THRAP3: variants seen among roughly 807,000 people sequenced by gnomAD.
THRAP3 encodes thyroid hormone receptor-associated protein 3.
In THRAP3, 16 loss-of-function variants were observed where a neutral mutation model predicts 101.0. That is an observed-to-expected ratio of 0.16 (90% CI 0.11 to 0.24). The LOEUF (loss-of-function observed/expected upper bound fraction) is 0.24, where lower values mean the gene tolerates loss of function less well. THRAP3 is among the 10% of genes least tolerant of loss of function. THRAP3 has a pLI of 1.00. For missense variants in THRAP3, 989 were observed against 1,202.7 expected (o/e 0.82, Z 2.63); for synonymous variants, 407 against 422.6 (o/e 0.96, Z 0.45).
At position 36,289,733 on chromosome 1, in the gene THRAP3, C is replaced by T. The variant is rs781731547; in HGVS notation, c.1714C>T (p.Arg572Trp). Residue 572 changes from arginine (R) to tryptophan (W), a missense_variant, in exon 5 of 12, where the codon CGG (arginine) becomes TGG (tryptophan). Transcript: ENST00000354618. ...SITREAQVNV[R>W]MDSFDEDLAR... The stretch of plus-strand genomic sequence containing the variant: ...TACTCGAGAGGCACAGGTCAATGTC[C>T]GGATGGACTCTTTTGATGAGGACCT... 9 of 1,611,560 alleles carry T rather than the reference C, an allele frequency of 5.6e-6. No homozygotes were observed. Among genetic ancestry groups the T allele is most frequent in the African/African-American group, 5.4e-5 (4 of 74,698 alleles).
intron 1 of THRAP3, among the ~76,000 whole-genome samples, chr1:36,253,457 T>C (rs138120718): frequency 1.8e-3 from 278 of 152,346 alleles, no homozygotes; most frequent in African/African-American, 6.1e-3. Context: ...TATGGAGATA[T>C]CACTTCTTGT....
chr1:36,270,687 C>T (rs1337697009), intron 2 of THRAP3, among the ~76,000 whole-genome samples: 2 of 150,572 alleles, frequency 1.3e-5, no homozygotes, highest in Admixed American at 1.3e-4. Context: ...AAGTGATTCT[C>T]CTGCCTTAGC....
chr1:36,219,895 C>T (rs1191660102), upstream of THRAP3, among the ~76,000 whole-genome samples: 1 of 152,240 alleles, frequency 6.6e-6, no homozygotes, highest in South Asian at 2.1e-4. Context: ...AAGTTGAAGG[C>T]GATGCTCATT....
intron 2 of THRAP3, among the ~76,000 whole-genome samples, chr1:36,272,692 G>A (rs1410039842): frequency 6.6e-6 from 1 of 152,184 alleles, no homozygotes; most frequent in Non-Finnish European, 1.5e-5. Flanking sequence ...TCTATCAGTT[G>A]ATGGCTTGTT....
intron 1 of THRAP3, among the ~76,000 whole-genome samples, chr1:36,252,091 T>C (rs980269313): frequency 4.6e-5 from 7 of 152,196 alleles, no homozygotes; most frequent in African/African-American, 1.7e-4. Flanking sequence ...TCTTACAGTT[T>C]TGAGAATTAC....
At chr1:36,234,153 C>T (rs759995842) in intron 1 of THRAP3, among the ~76,000 whole-genome samples, 13 of 152,134 alleles carry the variant, frequency 8.5e-5, no homozygotes, top group Non-Finnish European at 1.6e-4. Context: ...CAGGGTTTCA[C>T]CATGTTGCCC....
upstream of THRAP3, among the ~76,000 whole-genome samples, chr1:36,221,679 G>A (rs1351657277): frequency 6.6e-6 from 1 of 152,204 alleles, no homozygotes; most frequent in Non-Finnish European, 1.5e-5. Flanking sequence ...CGCCTCTTGG[G>A]TTCAAGCGAT....
intron 1 of THRAP3, among the ~76,000 whole-genome samples, chr1:36,234,773 C>T (rs1167681914): frequency 6.8e-6 from 1 of 146,018 alleles, no homozygotes; most frequent in African/African-American, 2.5e-5. Flanking sequence ...TAGAACCTAG[C>T]TTGCCTCTTC....
chr1:36,266,627 C>CA (rs1479606877), intron 2 of THRAP3, among the ~76,000 whole-genome samples: 1 of 152,144 alleles, frequency 6.6e-6, no homozygotes, highest in Non-Finnish European at 1.5e-5. Flanking sequence ...AAGCCAGCAG[C>CA]ACAGTGTCCC....
At position 36,288,394 on chromosome 1, in the gene THRAP3, T is replaced by C. The variant is rs895017505; in HGVS notation, c.1041-666T>C. 4.1e-6 allele frequency: 4 copies of C among 985,268 alleles called. No homozygotes were observed. The Admixed American group carries it at 2.5e-4, about 61-fold the overall frequency. 61.0% of individuals were successfully genotyped at this position (985,268 alleles called of 1,614,324 possible). A position where few individuals can be genotyped will look rare whatever the true frequency, so the allele number is the denominator to read the frequency against. On this transcript the variant is annotated intron_variant, in intron 4 of 11. Transcript: ENST00000354618. Reference sequence around the variant, plus strand: ...TAGTGTAGCTCCCAAGTAAGTCTATTTTAAAACATAAGTTTTGTTCCATGC... The same window carrying C: ...TAGTGTAGCTCCCAAGTAAGTCTATCTTAAAACATAAGTTTTGTTCCATGC...
At chr1:36,214,064 A>C in the THRAP3 span, among the ~76,000 whole-genome samples, 355 of 146,042 alleles carry the variant, frequency 2.4e-3, no homozygotes, top group Middle Eastern at 0.014. Flanking sequence ...GAAAGAAAGA[A>C]AGACAACTCC....
intron 1 of THRAP3, among the ~76,000 whole-genome samples, chr1:36,255,346 G>C (rs1645359207): frequency 6.6e-6 from 1 of 152,090 alleles, no homozygotes; most frequent in Admixed American, 6.6e-5. Context: ...AGATTGCCAG[G>C]GGCCGGGTAC....
upstream of THRAP3, among the ~76,000 whole-genome samples, chr1:36,223,248 G>A (rs1644917423): frequency 6.6e-6 from 1 of 152,188 alleles, no homozygotes. Context: ...CGTGTGCAAG[G>A]AATGCTGCCG....
chr1:36,271,441 C>G (rs1222035247), intron 2 of THRAP3, among the ~76,000 whole-genome samples: 1 of 152,030 alleles, frequency 6.6e-6, no homozygotes, highest in Non-Finnish European at 1.5e-5. Flanking sequence ...TGCCAACACA[C>G]CTGGCTAATT....
intron 1 of THRAP3, among the ~76,000 whole-genome samples, chr1:36,249,685 A>AGTGAGT (rs1553193623): frequency 1.7e-4 from 23 of 138,212 alleles, no homozygotes; most frequent in Non-Finnish European, 3.5e-4. Flanking sequence ...GCAGGTGGTG[A>AGTGAGT]GTGTGTGTGT....
intron 8 of THRAP3, among the ~76,000 whole-genome samples, chr1:36,295,239 A>C (rs1238668086): frequency 4.0e-5 from 6 of 149,934 alleles, no homozygotes; most frequent in Non-Finnish European, 8.9e-5. Flanking sequence ...AAAAAAAGGA[A>C]AAAAAAAAAA....
chr1:36,248,566 G>A (rs868186998), intron 1 of THRAP3, among the ~76,000 whole-genome samples: 7 of 150,750 alleles, frequency 4.6e-5, no homozygotes, highest in Non-Finnish European at 8.8e-5. Context: ...TCAGCCTCCC[G>A]AGTAGCTAGG....
chr1:36,225,117 T>C (rs1412387021), intron 1 of THRAP3: 2 of 152,254 alleles, frequency 1.3e-5, no homozygotes, highest in East Asian at 1.9e-4. Context: ...ATTATTTTGC[T>C]TCTCTTAGCA....
upstream of THRAP3, among the ~76,000 whole-genome samples, chr1:36,222,209 T>A (rs2124301878): frequency 6.6e-6 from 1 of 152,292 alleles, no homozygotes; most frequent in Non-Finnish European, 1.5e-5. Flanking sequence ...ACAGCATTTT[T>A]AAGTAATATT....
Sources: gnomAD v4.1 joint callset for allele counts (sites outside exome capture counted in the v4.1 genomes callset) on GRCh38, gnomAD v4.1.1 for gene constraint, MANE v1.5 for transcripts, NCBI Gene and HGNC (gene_info 2026-07-23, HGNC 2026-07-21) for gene names.